The following BSN variants were observed in gnomAD, a reference collection of about 807,000 sequenced individuals.
BSN encodes bassoon presynaptic cytomatrix protein, also known as protein bassoon.
Under a neutral mutation model 264.8 loss-of-function variants are expected in BSN, and 57 were observed. The ratio of observed to expected loss-of-function variants is 0.22; its 90% CI spans 0.17 to 0.27. The LOEUF (loss-of-function observed/expected upper bound fraction) is 0.27, where lower values mean the gene tolerates loss of function less well. Among genes scored for constraint, BSN ranks in the 10% least tolerant of loss-of-function variants. The probability of loss-of-function intolerance (pLI) is 1.00; values close to 1 mark genes in which losing one functional copy is unlikely to be tolerated. For synonymous variants in BSN, 2,059 were observed against 2,137.3 expected (o/e 0.96, Z 1.01); for missense variants, 4,615 against 5,232.5 (o/e 0.88, Z 3.64).
chr3:49,617,286 TA>T (rs2052267604), intron 1 of BSN, among the ~76,000 whole-genome samples: 4 of 3,732 alleles, frequency 1.1e-3, no homozygotes, highest in African/African-American at 2.3e-3. Flanking sequence ...AAATACATTA[TA>T]TATATATATA....
rs1275767752 is a variant in BSN at position 49,661,278 on chromosome 3, C to A, written c.9433C>A (p.Pro3145Thr). The A allele has an allele frequency of 1.2e-6, 2 of 1,613,854 alleles. No individual in the cohort carries two copies. The stretch of plus-strand genomic sequence containing the variant: ...TGATAGCCGTGCCCCACTGCAGAAG[C>A]CACGCCAGACATCGCTAGCCGACTT... ...PADSRAPLQK[P>T]RQTSLADLEQ... Residue 3145 changes from proline to threonine, a missense_variant, in exon 6 of 12, where the codon CCA (proline) becomes ACA (threonine). By Grantham distance (38) the Pro-to-Thr change is conservative. Around this residue, in one of 3 missense-constraint regions of BSN, gnomAD observed 3,415 missense variants for 3,866.4 expected, o/e 0.88. Transcript: ENST00000296452.
Position 49,654,882 on chromosome 3 carries a change from C to A in BSN, c.5326C>A (p.Gln1776Lys). The change falls in exon 5 of 12, where the codon CAA (glutamine) becomes AAA (lysine). Residue 1776 changes from glutamine (Q) to lysine (K), a missense_variant. This residue lies in a region of BSN where 3,415 missense variants were observed against 3,866.4 expected (regional missense o/e 0.88). Transcript: ENST00000296452. This position sits in a 1 kb window ranked among gnomAD's most constrained non-coding sequence, Gnocchi z 4.1. ...CCCTGTGTGCCTGGCCCAGGTCAAA[C>A]AAGTAGAGCAGGCTGTCCAGACAGC... Reference protein sequence around the residue: ...GSPVCLAQVKQVEQAVQTAPY... With the variant: ...GSPVCLAQVKKVEQAVQTAPY... The A allele has an allele frequency of 6.2e-7, 1 of 1,613,434 alleles. No individual in the cohort carries two copies. Among genetic ancestry groups the A allele is most frequent in the Non-Finnish European group, 8.5e-7 (1 of 1,179,962 alleles).
intron 1 of BSN, among the ~76,000 whole-genome samples, chr3:49,603,796 A>G (rs2052090200): frequency 6.6e-6 from 1 of 152,080 alleles, no homozygotes; most frequent in Non-Finnish European, 1.5e-5. Flanking sequence ...GTTCCAAACC[A>G]TTTTTGCCAC....
chr3:49,571,903 A>G, intron 1 of BSN, among the ~76,000 whole-genome samples: 1 of 152,214 alleles, frequency 6.6e-6, no homozygotes, highest in East Asian at 1.9e-4. Context: ...TAGCTTTTCC[A>G]GAGACCCTGC....
In BSN at chr3:49,652,399, T is replaced by C; in HGVS notation, c.2843T>C (p.Leu948Pro). 1 of 1,609,454 alleles carries C rather than the reference T, an allele frequency of 6.2e-7. No individual in the cohort carries two copies. The highest frequency in any genetic ancestry group is 8.5e-7 in the Non-Finnish European group (1 of 1,177,786). Residue 948 changes from leucine (L) to proline (P), a missense_variant, in exon 5 of 12, where the codon CTG becomes CCG. By Grantham distance (98) the Leu-to-Pro change is moderately conservative. Around this residue, in one of 3 missense-constraint regions of BSN, gnomAD observed 1,197 missense variants for 1,348.0 expected, o/e 0.89. Transcript: ENST00000296452. Reference protein sequence around the residue: ...STGSYGHELDLGQGPDPSLDR... With the variant: ...STGSYGHELDPGQGPDPSLDR... ...GGAAGTTATGGTCATGAGTTGGACC[T>C]GGGCCAAGGCCCAGACCCCAGTCTG... is the stretch of plus-strand genomic sequence containing the variant.
Position 49,657,086 on chromosome 3 carries a change from C to G in BSN, c.7530C>G (p.Phe2510Leu). The change falls in exon 5 of 12, where the codon TTC (phenylalanine) becomes TTG (leucine). Residue 2510 changes from phenylalanine (F) to leucine (L), a missense_variant. Around this residue, in one of 3 missense-constraint regions of BSN, gnomAD observed 3,415 missense variants for 3,866.4 expected, o/e 0.88. Transcript: ENST00000296452. ...QYWPPLTHAAFIAMAGPEGLG... is the reference protein window; with the variant it reads ...QYWPPLTHAALIAMAGPEGLG... Reference sequence around the variant, plus strand: ...GGCCCCCCCTTACACATGCAGCCTTCATTGCCATGGCAGGGCCTGAAGGAC... The same window carrying G: ...GGCCCCCCCTTACACATGCAGCCTTGATTGCCATGGCAGGGCCTGAAGGAC... The G allele has an allele frequency of 6.2e-7, 1 of 1,609,878 alleles. No individual in the cohort carries two copies. The highest frequency in any genetic ancestry group is 8.5e-7 in the Non-Finnish European group (1 of 1,177,436).
intron 1 of BSN, among the ~76,000 whole-genome samples, chr3:49,605,540 T>TATATATA (rs2052117453): frequency 6.5e-4 from 2 of 3,090 alleles, no homozygotes; most frequent in Admixed American, 6.6e-3. Flanking sequence ...TAATATATAT[T>TATATATA]ATATATATTT....
At chr3:49,605,359 TATAAA>T (rs2052105753) in intron 1 of BSN, among the ~76,000 whole-genome samples, 1 of 77,478 alleles carries the variant, frequency 1.3e-5, no homozygotes, top group Non-Finnish European at 2.3e-5. Context: ...AATATATATT[TATAAA>T]TATATATTTA....
At position 49,663,580 on chromosome 3, in the gene BSN, C is replaced by G. The variant is rs776024415; in HGVS notation, c.11422C>G (p.Arg3808Gly). The change falls in exon 7 of 12, where the codon CGG (arginine) becomes GGG (glycine). Residue 3808 changes from arginine (R) to glycine (G), a missense_variant. By Grantham distance (125) the Arg-to-Gly change is moderately radical (BLOSUM62 -2). This residue lies in a region of BSN where 3,415 missense variants were observed against 3,866.4 expected (regional missense o/e 0.88). Coordinates refer to ENST00000296452, the MANE Select transcript of BSN (RefSeq NM_003458.4). Reference protein sequence around the residue: ...RLQQQSQPTTRGSAPAASQPA... With the variant: ...RLQQQSQPTTGGSAPAASQPA... ...GCAGCAACAGAGCCAGCCAACCACC[C>G]GGGGCTCAGCCCCTGCTGCCAGCCA... 1 of 1,605,780 alleles carries G rather than the reference C, an allele frequency of 6.2e-7. No individual in the cohort carries two copies. The highest frequency in any genetic ancestry group is 8.5e-7 in the Non-Finnish European group (1 of 1,177,558).
chr3:49,609,959 G>T (rs1317970466), intron 1 of BSN, among the ~76,000 whole-genome samples: 3 of 152,206 alleles, frequency 2.0e-5, no homozygotes, highest in Non-Finnish European at 4.4e-5. Context: ...ACCCGAGCCC[G>T]TGGGTCATTC....
At chr3:49,570,177 G>A (rs981449208) in intron 1 of BSN, among the ~76,000 whole-genome samples, 1 of 152,126 alleles carries the variant, frequency 6.6e-6, no homozygotes, top group African/African-American at 2.4e-5. Context: ...GCAAATGATG[G>A]TACTTAGCAC....
At position 49,642,531 on chromosome 3, in the gene BSN, G is replaced by A; in HGVS notation, c.897G>A (p.Val299=). 2 of 1,586,908 alleles carry A rather than the reference G, an allele frequency of 1.3e-6. No individual in the cohort carries two copies. Among genetic ancestry groups the A allele is most frequent in the Non-Finnish European group, 1.7e-6 (2 of 1,164,306 alleles). The part of the protein sequence containing the change: ...GPAQAAAPPE[V]GRVSPQPPQP... ...CCCAAGCAGCTGCCCCTCCAGAGGT[G>A]GGGAGGGTGTCTCCTCAGCCCCCTC... is the stretch of plus-strand genomic sequence containing the variant. Residue 299 remains valine (V), a synonymous_variant, in exon 3 of 12, where the codon GTG becomes GTA. Transcript: ENST00000296452. This position sits in a 1 kb window ranked among gnomAD's most constrained non-coding sequence, Gnocchi z 7.0.
chr3:49,634,946 G>A (rs767995816), intron 2 of BSN, among the ~76,000 whole-genome samples: 6 of 152,298 alleles, frequency 3.9e-5, no homozygotes, highest in Non-Finnish European at 7.3e-5. Context: ...CAGGGGTAGC[G>A]GGTGGGCTCT....
In BSN at chr3:49,625,019, G is replaced by A. The variant is rs559032448; in HGVS notation, c.269G>A (p.Arg90Lys). 1 of 1,568,232 alleles carries A rather than the reference G, an allele frequency of 6.4e-7. No individual in the cohort carries two copies. The highest frequency in any genetic ancestry group is 8.6e-7 in the Non-Finnish European group (1 of 1,161,114). The stretch of plus-strand genomic sequence containing the variant: ...CCCAAGGAACCCCTGGGTAACCAGA[G>A]AGCAGCTTCCCCAACTCCGAAGCAG... Reference protein sequence around the residue: ...LDPKEPLGNQRAASPTPKQAS... With the variant: ...LDPKEPLGNQKAASPTPKQAS... The change falls in exon 2 of 12, where the codon AGA becomes AAA. Residue 90 changes from arginine to lysine, a missense_variant. This residue lies in a region of BSN where 1,197 missense variants were observed against 1,348.0 expected (regional missense o/e 0.89). Coordinates refer to ENST00000296452, the MANE Select transcript of BSN (RefSeq NM_003458.4). The surrounding 1 kb of genome is among the most constrained non-coding windows in gnomAD (Gnocchi z 4.4).
chr3:49,588,016 G>A (rs2051949986), intron 1 of BSN, among the ~76,000 whole-genome samples: 1 of 151,104 alleles, frequency 6.6e-6, no homozygotes, highest in African/African-American at 2.4e-5. Context: ...TCGCCTCCTG[G>A]GCTCAAGCGA....
At chr3:49,628,751 G>A (rs752066692) in intron 2 of BSN, among the ~76,000 whole-genome samples, 1 of 152,146 alleles carries the variant, frequency 6.6e-6, no homozygotes, top group African/African-American at 2.4e-5. Flanking sequence ...CTTATTCTGG[G>A]TTATTCTGGA....
In BSN at chr3:49,663,864, A is replaced by G; in HGVS notation, c.11586A>G (p.Pro3862=). The G allele has an allele frequency of 2.5e-6, 4 of 1,614,032 alleles. No individual in the cohort carries two copies. The highest frequency in any genetic ancestry group is 3.4e-6 in the Non-Finnish European group (4 of 1,180,004). The change falls in exon 8 of 12, where the codon CCA becomes CCG. Residue 3862 remains proline, a synonymous_variant. Transcript: ENST00000296452. The part of the protein sequence containing the change: ...PQQGRAPQAQ[P]APGPGPAGVK... Reference sequence around the variant, plus strand: ...AGGGGAGGGCTCCTCAGGCCCAGCCAGCACCAGGACCTGGACCTGCAGGTG... The same window carrying G: ...AGGGGAGGGCTCCTCAGGCCCAGCCGGCACCAGGACCTGGACCTGCAGGTG...
intron 1 of BSN, among the ~76,000 whole-genome samples, chr3:49,557,896 G>T (rs893435674): frequency 1.3e-5 from 2 of 152,192 alleles, no homozygotes; most frequent in African/African-American, 4.8e-5. Flanking sequence ...TTTGCAAATT[G>T]ATATCTAGTC....
intron 1 of BSN, among the ~76,000 whole-genome samples, chr3:49,593,898 G>A (rs1226022025): frequency 6.6e-6 from 1 of 150,772 alleles, no homozygotes; most frequent in Non-Finnish European, 1.5e-5. Flanking sequence ...CGCCTCCCAG[G>A]TTCACGCCAT....
Sources: allele counts gnomAD v4.1 joint callset (sites outside exome capture counted in the v4.1 genomes callset), GRCh38; gene constraint gnomAD v4.1.1; regional missense constraint gnomAD v4.1.1; non-coding constraint Gnocchi (gnomAD v3.1); transcripts MANE v1.5; gene names NCBI Gene and HGNC (gene_info 2026-07-23, HGNC 2026-07-21).